Variants in ATXN7 observed in about 807,000 individuals in gnomAD.
ATXN7 encodes ataxin 7, also known as ataxin-7.
In ATXN7, 12 loss-of-function variants were observed where a neutral mutation model predicts 70.5. The ratio of observed to expected loss-of-function variants is 0.17; its 90% CI spans 0.11 to 0.28. ATXN7 has a LOEUF of 0.28. Among genes scored for constraint, ATXN7 ranks in the 10% least tolerant of loss-of-function variants. The probability of loss-of-function intolerance (pLI) is 1.00; values close to 1 mark genes in which losing one functional copy is unlikely to be tolerated. For synonymous variants in ATXN7, 498 were observed against 448.7 expected (o/e 1.11, Z -1.39); for missense variants, 1,256 against 1,131.7 (o/e 1.11, Z -1.58).
At chr3:63,938,015 G>A (rs2074694978) in intron 4 of ATXN7, among the ~76,000 whole-genome samples, 2 of 152,314 alleles carry the variant, frequency 1.3e-5, no homozygotes, top group South Asian at 4.1e-4. Context: ...ACATTTGCCT[G>A]ACCTTTTACT....
At chr3:63,863,646 G>A, upstream of ATXN7, 3 of 1,214,074 alleles carry the variant, frequency 2.5e-6, no homozygotes, top group Middle Eastern at 3.3e-4. Flanking sequence ...CGGGAAGGCC[G>A]AAGCGCTCTG....
chr3:63,899,222 C>T (rs1462759665), intron 2 of ATXN7, among the ~76,000 whole-genome samples: 1 of 151,980 alleles, frequency 6.6e-6, no homozygotes, highest in Non-Finnish European at 1.5e-5. Flanking sequence ...ACCACTACAC[C>T]TGGCTAATTT....
At chr3:63,894,976 C>A (rs1258161086) in intron 1 of ATXN7, among the ~76,000 whole-genome samples, 4 of 152,072 alleles carry the variant, frequency 2.6e-5, no homozygotes, top group Non-Finnish European at 5.9e-5. Context: ...TCCTCCTCCC[C>A]CAACAAGCTC....
intron 1 of ATXN7, among the ~76,000 whole-genome samples, chr3:63,881,358 G>A (rs1702902883): frequency 6.6e-6 from 1 of 152,142 alleles, no homozygotes; most frequent in African/African-American, 2.4e-5. Context: ...CCTATTTGAA[G>A]AGATAAGTGA....
At chr3:63,889,483 T>G (rs1236716962) in intron 1 of ATXN7, among the ~76,000 whole-genome samples, 2 of 152,190 alleles carry the variant, frequency 1.3e-5, no homozygotes. Context: ...TAAGCTTCTT[T>G]GAATGTCTTA....
chr3:63,990,177 C>G lies in ATXN7; in HGVS notation c.1363C>G (p.Pro455Ala). The change falls in exon 10 of 13, where the codon CCT (proline) becomes GCT (alanine). Residue 455 changes from proline (P) to alanine (A), a missense_variant and splice_region_variant. Physicochemically the swap from Pro to Ala is conservative, Grantham distance 27 (BLOSUM62 -1). Coordinates refer to ENST00000674280, the MANE Select transcript of ATXN7 (RefSeq NM_001377405.1). The part of the protein sequence containing the change: ...PKPHTPSLPR[P>A]PGCPAQQGGS... ...GTGCTGCACTTTCTACTCACCAAGG[C>G]CTCCAGGCTGCCCTGCTCAGCAAGG... The G allele has an allele frequency of 6.2e-7, 1 of 1,612,816 alleles. No homozygotes were observed. Among genetic ancestry groups the G allele is most frequent in the Non-Finnish European group, 8.5e-7 (1 of 1,179,986 alleles).
intron 4 of ATXN7, among the ~76,000 whole-genome samples, chr3:63,946,446 T>G (rs2074864587): frequency 6.6e-6 from 1 of 152,106 alleles, no homozygotes; most frequent in African/African-American, 2.4e-5. Context: ...GAGACCATCC[T>G]GGCTAAGACA....
intron 5 of ATXN7, among the ~76,000 whole-genome samples, chr3:63,974,672 A>T (rs56972481): frequency 5.2e-4 from 79 of 152,336 alleles, no homozygotes; most frequent in African/African-American, 1.8e-3. Flanking sequence ...ATCCATGTAA[A>T]TCCCGTAGCA....
chr3:63,947,288 A>G (rs778778810), intron 4 of ATXN7, among the ~76,000 whole-genome samples: 1 of 152,148 alleles, frequency 6.6e-6, no homozygotes, highest in African/African-American at 2.4e-5. Flanking sequence ...ACGGTTCAAT[A>G]TGTGAAGAAA....
intron 1 of ATXN7, chr3:63,878,550 G>C (rs537190463): frequency 6.6e-6 from 1 of 152,368 alleles, no homozygotes; most frequent in East Asian, 1.9e-4. Context: ...GATTTTACAG[G>C]TGTGTGGTTT....
rs1321598083 is a variant in ATXN7 at position 63,995,779 on chromosome 3, C to T, written c.1957C>T (p.Pro653Ser). The change falls in exon 12 of 13, where the codon CCT becomes TCT. Residue 653 changes from proline to serine, a missense_variant. Coordinates refer to ENST00000674280, the MANE Select transcript of ATXN7 (RefSeq NM_001377405.1). ...SRQVSSSSSS[P>S]STPSGLSSVP... ...ACAAGTGTCCTCTTCATCCTCATCCCCTTCCACGCCCTCTGGCCTTTCCTC... is the reference window on the plus strand; with the variant it reads ...ACAAGTGTCCTCTTCATCCTCATCCTCTTCCACGCCCTCTGGCCTTTCCTC... 1 of 1,614,224 alleles carries T rather than the reference C, an allele frequency of 6.2e-7. No individual in the cohort carries two copies. Among genetic ancestry groups the T allele is most frequent in the East Asian group, 2.2e-5 (1 of 44,866 alleles).
chr3:63,921,880 C>T lies in ATXN7; in HGVS notation c.394+8655C>T, dbSNP rs1353555814. On this transcript the variant is annotated intron_variant, in intron 4 of 12. Coordinates refer to ENST00000674280, the MANE Select transcript of ATXN7 (RefSeq NM_001377405.1). ...TAATGAAAGCACAGTGTCACAAGCA[C>T]GCCTTTAATCAAGTCATCAGCCAGG... 3.9e-5 allele frequency among the ~76,000 whole-genome samples: 6 copies of T among 152,110 alleles called. No homozygotes were observed. In the South Asian group the frequency reaches 8.3e-4, roughly 21 times the overall value.
At chr3:63,869,928 G>A (rs1195442245) in intron 1 of ATXN7, among the ~76,000 whole-genome samples, 1 of 152,132 alleles carries the variant, frequency 6.6e-6, no homozygotes, top group Non-Finnish European at 1.5e-5. Context: ...TGGCCTGGCA[G>A]GTTATATCAA....
intron 1 of ATXN7, among the ~76,000 whole-genome samples, chr3:63,875,018 A>G (rs762189728): frequency 1.9e-4 from 29 of 152,164 alleles, no homozygotes; most frequent in Non-Finnish European, 3.8e-4. Flanking sequence ...TAATGGCACT[A>G]ATCCTATTCA....
intron 4 of ATXN7, among the ~76,000 whole-genome samples, chr3:63,923,429 G>A (rs910237718): frequency 6.6e-6 from 1 of 152,176 alleles, no homozygotes; most frequent in African/African-American, 2.4e-5. Context: ...TAATGAGTTG[G>A]GGTTAGGGGG....
At chr3:63,994,271 G>A (rs2106799181) in intron 11 of ATXN7, among the ~76,000 whole-genome samples, 2 of 152,270 alleles carry the variant, frequency 1.3e-5, no homozygotes, top group South Asian at 4.1e-4. Context: ...GCCTCACTCA[G>A]TCACCGAGGC....
intron 2 of ATXN7, among the ~76,000 whole-genome samples, chr3:63,906,762 G>T (rs1029323057): frequency 1.3e-5 from 2 of 152,182 alleles, no homozygotes; most frequent in African/African-American, 2.4e-5. Flanking sequence ...CAAAGGCTTG[G>T]GAACTGGGAG....
chr3:63,903,344 G>A (rs571490712), intron 2 of ATXN7, among the ~76,000 whole-genome samples: 52 of 129,466 alleles, frequency 4.0e-4, no homozygotes, highest in Non-Finnish European at 7.2e-4. Flanking sequence ...CCAAGATTGC[G>A]CCACTGCACT....
chr3:63,879,487 G>GTTT (rs200065951), intron 1 of ATXN7, among the ~76,000 whole-genome samples: 11 of 135,418 alleles, frequency 8.1e-5, no homozygotes, highest in Admixed American at 1.5e-4. Context: ...TATCTCTTCA[G>GTTT]TTTTTTTTTT....
Sources: allele counts gnomAD v4.1 joint callset (sites outside exome capture counted in the v4.1 genomes callset), GRCh38; gene constraint gnomAD v4.1.1; transcripts MANE v1.5; gene names NCBI Gene and HGNC (gene_info 2026-07-23, HGNC 2026-07-21).